ATP2C1: variants seen among roughly 807,000 people sequenced by gnomAD.
ATP2C1 encodes ATPase secretory pathway Ca2+ transporting 1.
ATP2C1 carries 31 observed loss-of-function variants against 120.5 expected under a neutral mutation model. The observed-to-expected ratio is 0.26, with a 90% CI of 0.19 to 0.35. ATP2C1 has a LOEUF of 0.35. Ranked by LOEUF, ATP2C1 falls within the 10% of genes least tolerant of loss-of-function variation. The probability of loss-of-function intolerance (pLI) is 1.00; values close to 1 mark genes in which losing one functional copy is unlikely to be tolerated. For synonymous variants in ATP2C1, 351 were observed against 358.7 expected (o/e 0.98, Z 0.24); for missense variants, 731 against 1,107.5 (o/e 0.66, Z 4.83).
At chr3:130,965,110 T>C in intron 14 of ATP2C1, 65 bp downstream of exon 14, 1 of 1,068,938 alleles carries the variant, frequency 9.4e-7, no homozygotes, top group Non-Finnish European at 1.4e-6. Context: ...GTGTTTAACA[T>C]TCCTAACAGT....
intron 1 of ATP2C1, among the ~76,000 whole-genome samples, chr3:130,885,692 T>G (rs1280021094): frequency 1.3e-5 from 2 of 152,132 alleles, no homozygotes; most frequent in Admixed American, 1.3e-4. Context: ...CATTGTACTA[T>G]GTCTTGAAAA....
chr3:131,012,596 TTTTCC>T (rs2063369073), intron 26 of ATP2C1, among the ~76,000 whole-genome samples: 1 of 152,124 alleles, frequency 6.6e-6, no homozygotes. Flanking sequence ...AGATACCTTA[TTTTCC>T]AGTAACATTT....
upstream of ATP2C1, among the ~76,000 whole-genome samples, chr3:130,889,935 AC>A (rs932412583): frequency 2.0e-5 from 3 of 152,142 alleles, no homozygotes; most frequent in Non-Finnish European, 4.4e-5. Flanking sequence ...TGTGAGATGC[AC>A]CAGAAACCCT....
rs2061659362 is a variant in ATP2C1 at position 130,979,419 on chromosome 3, G to A, written c.1741G>A (p.Ala581Thr). ...GDSQETAVAIASRLGLYSKTS... is the reference protein window; with the variant it reads ...GDSQETAVAITSRLGLYSKTS... ...TTCACAGGAGACTGCAGTTGCAATC[G>A]GTATAACTAGACTGCTTTCTTTTGT... is the stretch of plus-strand genomic sequence containing the variant. Residue 581 changes from alanine to threonine, a missense_variant and splice_region_variant, in exon 19 of 28, where the codon GCC becomes ACC. Physicochemically the swap from Ala to Thr is moderately conservative, Grantham distance 58. Coordinates refer to ENST00000510168, the MANE Select transcript of ATP2C1 (RefSeq NM_001378687.1). The A allele has an allele frequency of 6.2e-7, 1 of 1,612,946 alleles. No individual in the cohort carries two copies. Among genetic ancestry groups the A allele is most frequent in the African/African-American group, 1.3e-5 (1 of 74,942 alleles).
At chr3:131,014,664 T>C (rs2063507342) in intron 26 of ATP2C1, among the ~76,000 whole-genome samples, 1 of 152,244 alleles carries the variant, frequency 6.6e-6, no homozygotes, top group African/African-American at 2.4e-5. Flanking sequence ...TGAGCAGGTG[T>C]CTTTAACAAA....
At chr3:130,993,348 C>T (rs538092411) in intron 21 of ATP2C1, among the ~76,000 whole-genome samples, 2 of 152,250 alleles carry the variant, frequency 1.3e-5, no homozygotes, top group East Asian at 1.9e-4. Context: ...AGTGTTGTGA[C>T]AGTGTGAACA....
At chr3:131,004,485 C>T (rs1029781041), downstream of ATP2C1, among the ~76,000 whole-genome samples, 2 of 152,158 alleles carry the variant, frequency 1.3e-5, no homozygotes, top group African/African-American at 4.8e-5. Flanking sequence ...AATGTAGATA[C>T]AATTGTCCAT....
rs1216852649 is a variant in ATP2C1 at position 130,930,463 on chromosome 3, T to G, written c.54T>G (p.Ile18Met). 2 of 1,613,580 alleles carry G rather than the reference T, an allele frequency of 1.2e-6. No homozygotes were observed. The highest frequency in any genetic ancestry group is 8.5e-7 in the Non-Finnish European group (1 of 1,179,528). ...KIPNGENETM[I>M]PVLTSKKASE... ...CTAATGGTGAAAATGAGACAATGAT[T>G]CCTGTATTGACATCAAAAAAAGCAA... Residue 18 changes from isoleucine (I) to methionine (M), a missense_variant, in exon 3 of 28, where the codon ATT (isoleucine) becomes ATG (methionine). By Grantham distance (10) the Ile-to-Met change is conservative. Around this residue, in one of 3 missense-constraint regions of ATP2C1, gnomAD observed 571 missense variants for 845.9 expected, o/e 0.67. Coordinates refer to ENST00000510168, the MANE Select transcript of ATP2C1 (RefSeq NM_001378687.1).
At chr3:130,883,947 T>TC (rs199555969) in intron 1 of ATP2C1, among the ~76,000 whole-genome samples, 15,843 of 142,074 alleles carry the variant, frequency 0.11, 1,162 homozygotes, top group South Asian at 0.22. Flanking sequence ...CTTTTCTTCT[T>TC]TTTTTTTTTT....
chr3:130,860,925 A>C (rs991532555), intron 1 of ATP2C1, among the ~76,000 whole-genome samples: 1 of 152,216 alleles, frequency 6.6e-6, no homozygotes, highest in Non-Finnish European at 1.5e-5. Context: ...CAAAGTTTAA[A>C]GTTTATTCAA....
chr3:130,919,965 G>A (rs1277848471), intron 2 of ATP2C1, among the ~76,000 whole-genome samples: 1 of 152,118 alleles, frequency 6.6e-6, no homozygotes, highest in East Asian at 1.9e-4. Flanking sequence ...ATCTTTTCAT[G>A]TGCTTACTGC....
intron 14 of ATP2C1, 143 bp downstream of exon 14, chr3:130,965,188 C>G (rs1559983878): frequency 4.5e-6 from 3 of 673,126 alleles, no homozygotes; most frequent in Non-Finnish European, 8.0e-6. Context: ...TGTGATTTTA[C>G]CAAGTCTTTG....
chr3:130,975,678 A>G (rs1035021219), intron 18 of ATP2C1, among the ~76,000 whole-genome samples, 190 bp downstream of exon 18: 3 of 152,188 alleles, frequency 2.0e-5, no homozygotes, highest in African/African-American at 7.2e-5. Flanking sequence ...GAATGTAGCA[A>G]AATATGAATC....
intron 20 of ATP2C1, among the ~76,000 whole-genome samples, chr3:130,991,970 T>C (rs1017798575): frequency 6.6e-5 from 10 of 152,278 alleles, no homozygotes; most frequent in Non-Finnish European, 1.3e-4. Flanking sequence ...TCTAGGAGAA[T>C]AGGAAAGAGA....
chr3:130,890,566 T>C (rs1463776879), upstream of ATP2C1, among the ~76,000 whole-genome samples: 1 of 152,224 alleles, frequency 6.6e-6, no homozygotes, highest in African/African-American at 2.4e-5. Flanking sequence ...AAAGAGGCTA[T>C]GGAATTTTGT....
At chr3:130,873,533 C>T (rs2068501885) in intron 1 of ATP2C1, among the ~76,000 whole-genome samples, 1 of 152,126 alleles carries the variant, frequency 6.6e-6, no homozygotes, top group South Asian at 2.1e-4. Flanking sequence ...GACATCTTTA[C>T]CTTTCCAAGT....
At chr3:130,906,112 T>C (rs1172434689) in intron 2 of ATP2C1, among the ~76,000 whole-genome samples, 1 of 152,068 alleles carries the variant, frequency 6.6e-6, no homozygotes, top group Admixed American at 6.6e-5. Context: ...ACCACAAAAT[T>C]TGTCATTTTA....
upstream of ATP2C1, chr3:130,893,846 C>A (rs2069305415): frequency 2.3e-6 from 2 of 852,774 alleles, no homozygotes; most frequent in Non-Finnish European, 2.8e-6. Context: ...GGGCCACCAA[C>A]CCCGAGCGAC....
At chr3:130,954,495 T>A (rs1218409643) in intron 9 of ATP2C1, among the ~76,000 whole-genome samples, 1 of 151,060 alleles carries the variant, frequency 6.6e-6, no homozygotes, top group Non-Finnish European at 1.5e-5. Context: ...CTGCTATACG[T>A]TTTTTTTTGA....
Sources: allele counts gnomAD v4.1 joint callset (sites outside exome capture counted in the v4.1 genomes callset), GRCh38; gene constraint gnomAD v4.1.1; regional missense constraint gnomAD v4.1.1; transcripts MANE v1.5; gene names NCBI Gene and HGNC (gene_info 2026-07-23, HGNC 2026-07-21).